CTNNA1: variants seen among roughly 807,000 people sequenced by gnomAD.
CTNNA1 encodes the protein catenin alpha-1.
In CTNNA1, 37 loss-of-function variants were observed where a neutral mutation model predicts 98.4. That is an observed-to-expected ratio of 0.38 (90% confidence interval 0.29 to 0.49). The LOEUF is 0.49. Among genes scored for constraint, CTNNA1 ranks in the 20% least tolerant of loss-of-function variants. The pLI is 0.95. For missense variants in CTNNA1, 761 were observed against 1,147.2 expected (o/e 0.66, Z 4.86); for synonymous variants, 404 against 413.2 (o/e 0.98, Z 0.27).
Position 138,824,643 on chromosome 5 carries a change from C to T in CTNNA1, c.702C>T (p.Val234=), listed in dbSNP as rs745876119. The change falls in exon 6 of 18, where the codon GTC becomes GTT. Residue 234 remains valine, a synonymous_variant. Transcript: ENST00000302763. ...ASQACLQHPD[V]AAYKANRDLI... ...AGGCATGCCTACAGCACCCTGATGTCGCAGCCTATAAGGCCAACAGGGACC... is the reference window on the plus strand; with the variant it reads ...AGGCATGCCTACAGCACCCTGATGTTGCAGCCTATAAGGCCAACAGGGACC... The T allele has an allele frequency of 7.4e-6, 12 of 1,614,084 alleles. No homozygotes were observed. Among genetic ancestry groups the T allele is most frequent in the Non-Finnish European group, 9.3e-6 (11 of 1,180,046 alleles).
At chr5:138,823,837 G>A in intron 5 of CTNNA1, among the ~76,000 whole-genome samples, 1 of 148,808 alleles carries the variant, frequency 6.7e-6, no homozygotes, top group Non-Finnish European at 1.5e-5. Flanking sequence ...GGCGCCTGTA[G>A]TCCCAGCTAC....
At chr5:138,812,497 C>T (rs1023999183) in intron 5 of CTNNA1, among the ~76,000 whole-genome samples, 195 bp downstream of exon 5, 4 of 152,108 alleles carry the variant, frequency 2.6e-5, no homozygotes, top group Admixed American at 6.5e-5. Context: ...ATGTTATGCT[C>T]CTATTTTAAT....
At chr5:138,772,508 A>G (rs1225753420) in intron 1 of CTNNA1, among the ~76,000 whole-genome samples, 2 of 152,214 alleles carry the variant, frequency 1.3e-5, no homozygotes, top group Non-Finnish European at 2.9e-5. Context: ...ACCAGAAGAT[A>G]CGACTAAGAT....
At chr5:138,887,708 A>G (rs1754384989) in intron 9 of CTNNA1, 66 bp downstream of exon 9, 6 of 1,390,268 alleles carry the variant, frequency 4.3e-6, no homozygotes, top group Non-Finnish European at 5.9e-6. Flanking sequence ...TTTTAATCAC[A>G]TTATTTAATC....
chr5:138,892,328 GTTTTTTTTTTTTTTTT>G, intron 9 of CTNNA1, among the ~76,000 whole-genome samples: 1 of 79,250 alleles, frequency 1.3e-5, no homozygotes, highest in East Asian at 6.4e-4. Flanking sequence ...AAATAGCTTA[GTTTTTTTTTTTTTTTT>G]TTTTTTTTTT....
chr5:138,839,007 A>G (rs1156385413), intron 7 of CTNNA1, among the ~76,000 whole-genome samples: 1 of 152,094 alleles, frequency 6.6e-6, no homozygotes, highest in Non-Finnish European at 1.5e-5. Flanking sequence ...TGGCTTATTT[A>G]GAAGTATGTT....
chr5:138,921,743 G>A (rs1762958475), intron 11 of CTNNA1, among the ~76,000 whole-genome samples: 1 of 151,598 alleles, frequency 6.6e-6, no homozygotes, highest in Non-Finnish European at 1.5e-5. Context: ...TGGGATTACA[G>A]GTGCCTGTCA....
intron 7 of CTNNA1, among the ~76,000 whole-genome samples, chr5:138,879,556 A>G (rs1420008410): frequency 6.6e-6 from 1 of 151,428 alleles, no homozygotes; most frequent in African/African-American, 2.4e-5. Flanking sequence ...GTAACCTTGA[A>G]CTCCTGGTTC....
chr5:138,793,527 A>G (rs1756594491), intron 3 of CTNNA1, among the ~76,000 whole-genome samples: 1 of 152,214 alleles, frequency 6.6e-6, no homozygotes, highest in South Asian at 2.1e-4. Context: ...CAGGATAATA[A>G]TATTTATGAG....
chr5:138,909,457 T>C (rs999775739), intron 10 of CTNNA1, among the ~76,000 whole-genome samples: 3 of 151,796 alleles, frequency 2.0e-5, no homozygotes, highest in African/African-American at 7.3e-5. Flanking sequence ...CTCCTAGGTT[T>C]AAGCAGTCCT....
At chr5:138,847,297 T>TA (rs11399725) in intron 7 of CTNNA1, among the ~76,000 whole-genome samples, 102,958 of 151,880 alleles carry the variant, frequency 0.68, 35,167 homozygotes, top group East Asian at 0.93. Flanking sequence ...AAAGCCGGCG[T>TA]AGTCCCTCCC....
At chr5:138,820,769 T>C (rs1759957286) in intron 5 of CTNNA1, among the ~76,000 whole-genome samples, 1 of 152,192 alleles carries the variant, frequency 6.6e-6, no homozygotes, top group African/African-American at 2.4e-5. Context: ...TGCTAGGAGC[T>C]GCTAGTTGGC....
intron 3 of CTNNA1, among the ~76,000 whole-genome samples, chr5:138,791,292 T>TA (rs1251296290): frequency 6.6e-6 from 1 of 152,150 alleles, no homozygotes; most frequent in Non-Finnish European, 1.5e-5. Context: ...TGTTAAGTAC[T>TA]AAATCTCAAT....
intron 10 of CTNNA1, among the ~76,000 whole-genome samples, chr5:138,912,172 G>T (rs1561720156): frequency 6.6e-6 from 1 of 152,172 alleles, no homozygotes; most frequent in Admixed American, 6.5e-5. Context: ...GTTTCAGGAG[G>T]TGAGCAGTGG....
intron 7 of CTNNA1, among the ~76,000 whole-genome samples, chr5:138,850,531 A>G (rs1475610399): frequency 6.6e-6 from 1 of 152,238 alleles, no homozygotes; most frequent in African/African-American, 2.4e-5. Context: ...TTATCTATGT[A>G]GCCATTAGGC....
At chr5:138,825,482 G>GTTTTTTGTTTTT (rs1554085136) in intron 6 of CTNNA1, among the ~76,000 whole-genome samples, 2 of 74,114 alleles carry the variant, frequency 2.7e-5, no homozygotes, top group African/African-American at 1.2e-4. Flanking sequence ...AGCAGTATAA[G>GTTTTTTGTTTTT]TTTTTTTTTT....
In CTNNA1 at chr5:138,904,368, C is replaced by T; in HGVS notation, c.1316C>T (p.Ser439Phe). The T allele has an allele frequency of 6.2e-7, 1 of 1,613,882 alleles. No individual in the cohort carries two copies. Among genetic ancestry groups the T allele is most frequent in the Non-Finnish European group, 8.5e-7 (1 of 1,179,870 alleles). Residue 439 changes from serine (S) to phenylalanine (F), a missense_variant, in exon 10 of 18, where the codon TCC (serine) becomes TTC (phenylalanine). By Grantham distance (155) the Ser-to-Phe change is radical (BLOSUM62 -2). Transcript: ENST00000302763. The stretch of plus-strand genomic sequence containing the variant: ...TTATAGGTTGCCAACTTGGCCTGTT[C>T]CATCTCAAATAATGAAGAAGGTGTA... ...KLIEVANLACSISNNEEGVKL... is the reference protein window; with the variant it reads ...KLIEVANLACFISNNEEGVKL...
At chr5:138,912,959 G>A (rs779074142) in intron 10 of CTNNA1, among the ~76,000 whole-genome samples, 1 of 151,776 alleles carries the variant, frequency 6.6e-6, no homozygotes, top group Admixed American at 6.6e-5. Context: ...ATAGGTTGAC[G>A]TCTCCCATTG....
intron 3 of CTNNA1, among the ~76,000 whole-genome samples, chr5:138,794,460 AG>A (rs1756715340): frequency 6.6e-6 from 1 of 152,228 alleles, no homozygotes; most frequent in Non-Finnish European, 1.5e-5. Flanking sequence ...GATATCATCT[AG>A]GGGTCTGTTT....
Sources: allele counts gnomAD v4.1 joint callset (sites outside exome capture counted in the v4.1 genomes callset), GRCh38; gene constraint gnomAD v4.1.1; transcripts MANE v1.5; gene names NCBI Gene and HGNC (gene_info 2026-07-23, HGNC 2026-07-21).